Variants in SEMA6D observed in about 807,000 individuals in gnomAD.
SEMA6D encodes semaphorin 6D.
SEMA6D carries 35 observed loss-of-function variants against 106.6 expected under a neutral mutation model. The ratio of observed to expected loss-of-function variants is 0.33; its 90% CI spans 0.25 to 0.44. The LOEUF (loss-of-function observed/expected upper bound fraction) is 0.44, where lower values mean the gene tolerates loss of function less well. Among genes scored for constraint, SEMA6D ranks in the 20% least tolerant of loss-of-function variants. SEMA6D has a pLI of 1.00. For synonymous variants in SEMA6D, 499 were observed against 487.7 expected, an observed-to-expected ratio of 1.02 and a Z score of -0.31; for missense variants, 1,185 against 1,345.9, an observed-to-expected ratio of 0.88 and a Z score of 1.87.
At chr15:47,254,980 C>T (rs11634896) in intron 1 of SEMA6D, among the ~76,000 whole-genome samples, 62,390 of 150,658 alleles carry the variant, frequency 0.41, 15,925 homozygotes, top group Non-Finnish European at 0.56. Context: ...AGTATTCCCT[C>T]TTCTTGATCT....
At chr15:47,674,460 A>G (rs2078202072) in intron 4 of SEMA6D, among the ~76,000 whole-genome samples, 1 of 152,218 alleles carries the variant, frequency 6.6e-6, no homozygotes, top group Non-Finnish European at 1.5e-5. Flanking sequence ...TGTCGAAAAC[A>G]TTGTCAATAA....
chr15:47,760,601 G>A (rs962395572), intron 3 of SEMA6D, among the ~76,000 whole-genome samples, 186 bp downstream of exon 3: 2 of 152,026 alleles, frequency 1.3e-5, no homozygotes, highest in African/African-American at 2.4e-5. Flanking sequence ...AGCTTTCAGC[G>A]GTGCTATTTT....
At chr15:47,210,496 C>T (rs1317340975) in intron 1 of SEMA6D, among the ~76,000 whole-genome samples, 7 of 151,818 alleles carry the variant, frequency 4.6e-5, no homozygotes, top group South Asian at 4.2e-4. Flanking sequence ...CAAGCCGGGC[C>T]GGGCGCAGTG....
rs1329159059 is a variant in SEMA6D at position 47,471,927 on chromosome 15, T to A, written c.-87+1382T>A. On this transcript the variant is annotated intron_variant, in intron 3 of 19. Transcript: ENST00000558014. ...CTTTCTCTCTCTCTCTCTCTCTCTC[T>A]CTCTCACACACACACACACACACAC... Among the ~76,000 whole-genome samples, 347 of 113,980 alleles carry A rather than the reference T, an allele frequency of 3.0e-3. 2 individuals are homozygous for A. The highest frequency in any genetic ancestry group is 0.012 in the African/African-American group (326 of 26,780). The allele number at this position is 113,980 out of a possible 152,430, so 74.8% of individuals were successfully genotyped here. A position where few individuals can be genotyped will look rare whatever the true frequency, so the allele number is the denominator to read the frequency against.
At chr15:47,265,637 TC>T (rs1393502205) in intron 1 of SEMA6D, among the ~76,000 whole-genome samples, 2 of 152,080 alleles carry the variant, frequency 1.3e-5, no homozygotes, top group African/African-American at 2.4e-5. Flanking sequence ...AGTATTTTTT[TC>T]TTTTCAATGT....
At chr15:47,204,849 A>C (rs894695209) in intron 1 of SEMA6D, among the ~76,000 whole-genome samples, 1 of 152,148 alleles carries the variant, frequency 6.6e-6, no homozygotes, top group East Asian at 1.9e-4. Flanking sequence ...AATTGGAGAA[A>C]GGTTAAACTT....
intron 1 of SEMA6D, among the ~76,000 whole-genome samples, chr15:47,726,662 T>C (rs1306984352): frequency 6.6e-6 from 1 of 152,180 alleles, no homozygotes; most frequent in East Asian, 1.9e-4. Context: ...TGGATGATGG[T>C]GGTAATACCC....
intron 13 of SEMA6D, 144 bp downstream of exon 13, chr15:47,765,200 T>G: frequency 7.0e-7 from 1 of 1,425,968 alleles, no homozygotes; most frequent in Non-Finnish European, 9.1e-7. Flanking sequence ...TTGAAATAAA[T>G]CTTGGGTTTG....
chr15:47,187,824 G>T (rs1361875217), intron 1 of SEMA6D, among the ~76,000 whole-genome samples: 2 of 152,068 alleles, frequency 1.3e-5, no homozygotes, highest in East Asian at 1.9e-4. Flanking sequence ...GGGGGGAGGG[G>T]TGAAGAGAGA....
intron 3 of SEMA6D, among the ~76,000 whole-genome samples, chr15:47,595,847 A>G (rs754112525): frequency 1.2e-4 from 18 of 152,100 alleles, no homozygotes; most frequent in Non-Finnish European, 2.2e-4. Context: ...TAGTTATCCA[A>G]TTTATTGGCA....
intron 1 of SEMA6D, among the ~76,000 whole-genome samples, chr15:47,240,562 G>A (rs62013991): frequency 0.012 from 1,775 of 152,090 alleles, 34 homozygotes; most frequent in Admixed American, 0.012. Context: ...CTATGATTTT[G>A]TACATCGTGC....
At chr15:47,303,664 T>C (rs1377623336) in intron 1 of SEMA6D, among the ~76,000 whole-genome samples, 1 of 152,186 alleles carries the variant, frequency 6.6e-6, no homozygotes, top group South Asian at 2.1e-4. Flanking sequence ...TGGCATTTAG[T>C]GGAAATTCAT....
intron 3 of SEMA6D, among the ~76,000 whole-genome samples, chr15:47,559,040 G>A (rs1398800207): frequency 6.6e-6 from 1 of 152,018 alleles, no homozygotes; most frequent in Non-Finnish European, 1.5e-5. Context: ...GTAAGCTTAT[G>A]ATTTTGAATG....
At chr15:47,537,278 A>G (rs537493392) in intron 3 of SEMA6D, among the ~76,000 whole-genome samples, 70 of 152,368 alleles carry the variant, frequency 4.6e-4, no homozygotes, top group Non-Finnish European at 7.6e-4. Flanking sequence ...TTATAAAACA[A>G]CAAAGCAGAC....
At chr15:47,192,513 G>A (rs1187374660) in intron 1 of SEMA6D, among the ~76,000 whole-genome samples, 2 of 152,070 alleles carry the variant, frequency 1.3e-5, no homozygotes, top group Admixed American at 6.6e-5. Context: ...TTTGAATACT[G>A]TAAAATTAGA....
At chr15:47,435,966 G>T (rs1265379727) in intron 2 of SEMA6D, among the ~76,000 whole-genome samples, 1 of 152,070 alleles carries the variant, frequency 6.6e-6, no homozygotes, top group Non-Finnish European at 1.5e-5. Context: ...GGCTAAAGCA[G>T]TAAGAAATCC....
intron 4 of SEMA6D, among the ~76,000 whole-genome samples, chr15:47,613,295 C>T (rs1191048547): frequency 6.6e-6 from 1 of 152,178 alleles, no homozygotes; most frequent in Non-Finnish European, 1.5e-5. Context: ...TAAGTTTCCA[C>T]TGCATTTTCA....
chr15:47,307,586 C>G (rs530521970), intron 1 of SEMA6D, among the ~76,000 whole-genome samples: 2 of 151,468 alleles, frequency 1.3e-5, no homozygotes, highest in African/African-American at 4.9e-5. Context: ...CATCTCATTA[C>G]CTTTGGTAAT....
chr15:47,634,948 C>T (rs1479746296), intron 4 of SEMA6D, among the ~76,000 whole-genome samples: 1 of 152,178 alleles, frequency 6.6e-6, no homozygotes, highest in Non-Finnish European at 1.5e-5. Flanking sequence ...TCTGCTTTTA[C>T]GCCAGCACTT....
Sources: allele counts gnomAD v4.1 joint callset (sites outside exome capture counted in the v4.1 genomes callset), GRCh38; gene constraint gnomAD v4.1.1; transcripts MANE v1.5; gene names NCBI Gene and HGNC (gene_info 2026-07-23, HGNC 2026-07-21).